The following TIAM2 variants were observed in gnomAD, a reference collection of about 807,000 sequenced individuals.
TIAM2 encodes the protein rho guanine nucleotide exchange factor TIAM2.
TIAM2 carries 80 observed loss-of-function variants against 152.9 expected under a neutral mutation model. The observed-to-expected ratio is 0.52, with a 90% CI of 0.44 to 0.63. TIAM2 has a LOEUF of 0.63. TIAM2 is among the 30% of genes least tolerant of loss of function. TIAM2 has a pLI of 0.00. For missense variants in TIAM2, 1,965 were observed against 2,120.1 expected (o/e 0.93, Z 1.44); for synonymous variants, 804 against 838.0 (o/e 0.96, Z 0.70).
At chr6:155,068,763 T>C (rs1777766952) in intron 1 of TIAM2, among the ~76,000 whole-genome samples, 1 of 152,210 alleles carries the variant, frequency 6.6e-6, no homozygotes, top group Non-Finnish European at 1.5e-5. Context: ...CTTTTCGTGC[T>C]GCGATTGTTT....
intron 2 of TIAM2, among the ~76,000 whole-genome samples, chr6:155,121,673 A>G (rs1779153744): frequency 1.3e-5 from 2 of 152,174 alleles, no homozygotes. Context: ...TCTTGTCACT[A>G]TCTGAAGTAT....
At chr6:155,018,666 C>G (rs1778642270) in intron 1 of TIAM2, among the ~76,000 whole-genome samples, 1 of 228 alleles carries the variant, frequency 4.4e-3, no homozygotes, top group Non-Finnish European at 0.013. Flanking sequence ...TCTCCCTTTC[C>G]CTCCCCTCCC....
At chr6:155,126,231 CAA>C (rs138378263) in intron 2 of TIAM2, among the ~76,000 whole-genome samples, 3,940 of 152,298 alleles carry the variant, frequency 0.026, 72 homozygotes, top group African/African-American at 0.05. Context: ...TGCAAAAAGA[CAA>C]ATGCTTTCAC....
intron 20 of TIAM2, 104 bp downstream of exon 20, chr6:155,248,283 A>G: frequency 7.5e-7 from 1 of 1,324,768 alleles, no homozygotes; most frequent in Middle Eastern, 2.7e-4. Context: ...GCCTAGTGGC[A>G]CGTCCTAAGT....
At chr6:155,047,130 C>T (rs977001945) in intron 1 of TIAM2, among the ~76,000 whole-genome samples, 2 of 152,162 alleles carry the variant, frequency 1.3e-5, no homozygotes, top group African/African-American at 4.8e-5. Context: ...GTCCCATACT[C>T]ATCCAGAAGG....
At chr6:155,029,500 TA>T in intron 1 of TIAM2, among the ~76,000 whole-genome samples, 3 of 20,660 alleles carry the variant, frequency 1.5e-4, no homozygotes, top group African/African-American at 5.6e-4. Context: ...GTATATATTA[TA>T]TATAATATAT....
At chr6:155,182,397 T>C (rs1780924609) in intron 13 of TIAM2, 79 bp downstream of exon 13, 1 of 1,255,350 alleles carries the variant, frequency 8.0e-7, no homozygotes, top group Non-Finnish European at 1.1e-6. Flanking sequence ...ATGTTTCTTC[T>C]TACAGTTTTG....
At chr6:155,009,729 C>G (rs1778456259) in intron 1 of TIAM2, among the ~76,000 whole-genome samples, 1 of 152,166 alleles carries the variant, frequency 6.6e-6, no homozygotes, top group Admixed American at 6.5e-5. Flanking sequence ...ATTAATTACG[C>G]AGTTGTAAGG....
chr6:155,150,743 C>T (rs948772393), intron 7 of TIAM2, among the ~76,000 whole-genome samples: 5 of 138,042 alleles, frequency 3.6e-5, no homozygotes, highest in African/African-American at 1.3e-4. Context: ...GCCCTGCTTT[C>T]TGGTTTCTAG....
At chr6:155,253,146 T>C in intron 24 of TIAM2, 93 bp downstream of exon 24, 1 of 1,090,750 alleles carries the variant, frequency 9.2e-7, no homozygotes, top group Non-Finnish European at 1.3e-6. Flanking sequence ...GGATAATTTT[T>C]GGTGCCTTTT....
At chr6:155,217,137 A>T in intron 15 of TIAM2, 1 of 1,288,338 alleles carries the variant, frequency 7.8e-7, no homozygotes, top group Non-Finnish European at 1.0e-6. Flanking sequence ...ATTTTGATCC[A>T]AATGTAGGCA....
chr6:155,226,651 G>A lies in TIAM2; in HGVS notation c.3169-13879G>A, dbSNP rs570840584. On this transcript the variant is annotated intron_variant, in intron 15 of 26. Coordinates refer to ENST00000682666, the MANE Select transcript of TIAM2 (RefSeq NM_012454.4). ...CTGCACTCCAGCCTGAGCAACAAGA[G>A]TGAAACTGCATCTCGGGTGGGGGCG... Among the ~76,000 whole-genome samples, 166 of 144,452 alleles carry A rather than the reference G, an allele frequency of 1.1e-3. 1 individual carries two copies. Among genetic ancestry groups the A allele is most frequent in the South Asian group, 2.6e-3 (11 of 4,166 alleles). 94.8% of individuals were successfully genotyped at this position (144,452 alleles called of 152,430 possible).
chr6:155,115,602 G>A (rs1488000642), intron 2 of TIAM2, among the ~76,000 whole-genome samples: 3 of 152,166 alleles, frequency 2.0e-5, no homozygotes, highest in Non-Finnish European at 2.9e-5. Flanking sequence ...ACAGTGAGCC[G>A]TGATCACACC....
At chr6:155,006,483 A>G (rs1237674788) in intron 1 of TIAM2, among the ~76,000 whole-genome samples, 1 of 151,674 alleles carries the variant, frequency 6.6e-6, no homozygotes, top group Non-Finnish European at 1.5e-5. Context: ...CCTAGCCAAC[A>G]TGGTGAAACC....
Position 155,223,527 on chromosome 6 carries a change from C to T in TIAM2, c.3168+12220C>T, listed in dbSNP as rs66511909. On this transcript the variant is annotated intron_variant, in intron 15 of 26. Transcript: ENST00000682666. Reference sequence around the variant, plus strand: ...GTTAGACATCCCCAGATTTTTTTTTCTTTTTTTTTTTTTTTTTACTCTGCA... The same window carrying T: ...GTTAGACATCCCCAGATTTTTTTTTTTTTTTTTTTTTTTTTTTACTCTGCA... Among the ~76,000 whole-genome samples, 1,093 of 130,662 alleles carry T rather than the reference C, an allele frequency of 8.4e-3. 5 individuals are homozygous for T. The highest frequency in any genetic ancestry group is 0.016 in the Middle Eastern group (4 of 258). The allele number at this position is 130,662 out of a possible 152,430, so 85.7% of individuals were successfully genotyped here.
chr6:155,156,321 A>G lies in TIAM2; in HGVS notation c.2028+7987A>G, dbSNP rs1291217589. Reference sequence around the variant, plus strand: ...AGCCTCCGGTTTCGCCCTTCGTCTGATGCATCTTCCATACAACAGCCAGAC... The same window carrying G: ...AGCCTCCGGTTTCGCCCTTCGTCTGGTGCATCTTCCATACAACAGCCAGAC... On this transcript the variant is annotated intron_variant, in intron 7 of 26. Coordinates refer to ENST00000682666, the MANE Select transcript of TIAM2 (RefSeq NM_012454.4). The surrounding 1 kb of genome is among the most constrained non-coding windows in gnomAD (Gnocchi z 4.4). Among the ~76,000 whole-genome samples the G allele has an allele frequency of 6.6e-6, 1 of 152,158 alleles. No homozygotes were observed. The highest frequency in any genetic ancestry group is 1.9e-4 in the East Asian group (1 of 5,172).
At chr6:155,205,560 C>A (rs1196887755) in intron 14 of TIAM2, among the ~76,000 whole-genome samples, 1 of 152,188 alleles carries the variant, frequency 6.6e-6, no homozygotes, top group Non-Finnish European at 1.5e-5. Flanking sequence ...CTACAAAGAA[C>A]TTTCTTGCCT....
intron 1 of TIAM2, among the ~76,000 whole-genome samples, chr6:155,053,639 T>A (rs1777373839): frequency 6.6e-6 from 1 of 151,922 alleles, no homozygotes; most frequent in South Asian, 2.1e-4. Flanking sequence ...CCCAGCTAAT[T>A]TTTGTATTTT....
chr6:155,018,662 T>C (rs865969561), intron 1 of TIAM2, among the ~76,000 whole-genome samples: 7 of 27,674 alleles, frequency 2.5e-4, no homozygotes, highest in Admixed American at 5.5e-4. Flanking sequence ...TCTCTCTCCC[T>C]TTCCCTCCCC....
Sources: allele counts gnomAD v4.1 joint callset (sites outside exome capture counted in the v4.1 genomes callset), GRCh38; gene constraint gnomAD v4.1.1; non-coding constraint Gnocchi (gnomAD v3.1); transcripts MANE v1.5; gene names NCBI Gene and HGNC (gene_info 2026-07-23, HGNC 2026-07-21).